PDE8B: variants seen among roughly 807,000 people sequenced by gnomAD.
The protein encoded by PDE8B is phosphodiesterase 8B.
PDE8B carries 26 observed loss-of-function variants against 101.3 expected under a neutral mutation model. The ratio of observed to expected loss-of-function variants is 0.26; its 90% CI spans 0.19 to 0.36. PDE8B has a LOEUF of 0.36. Ranked by LOEUF, PDE8B falls within the 10% of genes least tolerant of loss-of-function variation. PDE8B has a pLI of 1.00. For synonymous variants in PDE8B, 424 were observed against 429.3 expected, an observed-to-expected ratio of 0.99 and a Z score of 0.15; for missense variants, 810 against 1,163.1, an observed-to-expected ratio of 0.70 and a Z score of 4.42.
the PDE8B span, among the ~76,000 whole-genome samples, chr5:77,120,383 C>T: frequency 2.0e-5 from 3 of 152,164 alleles, no homozygotes; most frequent in Non-Finnish European, 4.4e-5. Flanking sequence ...GGTACACTTA[C>T]AAGTGTTCAT....
chr5:77,396,833 A>G (rs909071125), intron 10 of PDE8B, among the ~76,000 whole-genome samples: 3 of 151,994 alleles, frequency 2.0e-5, no homozygotes, highest in Non-Finnish European at 4.4e-5. Context: ...TTTTAATTAC[A>G]TATATTAACT....
intron 1 of PDE8B, among the ~76,000 whole-genome samples, chr5:77,235,993 G>A (rs946771966): frequency 1.3e-5 from 2 of 152,164 alleles, no homozygotes; most frequent in Admixed American, 1.3e-4. Context: ...ACACCACCAG[G>A]AAGTGGCAAA....
chr5:77,195,325 A>G, the PDE8B span, among the ~76,000 whole-genome samples: 1 of 152,360 alleles, frequency 6.6e-6, no homozygotes, highest in East Asian at 1.9e-4. Flanking sequence ...CCGCCAATAC[A>G]GTTGCATTAA....
At position 77,428,072 on chromosome 5, in the gene PDE8B, T is replaced by C. The variant is rs1188882428; in HGVS notation, c.*1518T>C. Reference sequence around the variant, plus strand: ...CAAAGAAATGTATCTAAATTATTTTTGTTAGATGATAAGAGAACTTGCTTG... The same window carrying C: ...CAAAGAAATGTATCTAAATTATTTTCGTTAGATGATAAGAGAACTTGCTTG... On this transcript the variant is annotated 3_prime_UTR_variant, in exon 22 of 22. Transcript: ENST00000264917. 2.0e-5 allele frequency: 3 copies of C among 152,214 alleles called. No individual in the cohort carries two copies. 9.4% of individuals were successfully genotyped at this position (152,214 alleles called of 1,614,324 possible). A position where few individuals can be genotyped will look rare whatever the true frequency, so the allele number is the denominator to read the frequency against.
intron 10 of PDE8B, among the ~76,000 whole-genome samples, chr5:77,360,583 G>C (rs541694103): frequency 1.3e-5 from 2 of 152,322 alleles, no homozygotes; most frequent in East Asian, 1.9e-4. Context: ...ATGCATGCCT[G>C]CTGGCACTTG....
intron 17 of PDE8B, among the ~76,000 whole-genome samples, chr5:77,415,267 T>G (rs1397537161): frequency 6.6e-6 from 1 of 151,746 alleles, no homozygotes; most frequent in East Asian, 1.9e-4. Flanking sequence ...CCAGATCTGC[T>G]GGCACTGACA....
chr5:77,113,897 A>T, the PDE8B span: 2 of 152,266 alleles, frequency 1.3e-5, no homozygotes, highest in African/African-American at 4.8e-5. Flanking sequence ...TATGCAGCCA[A>T]CAGACACATG....
the PDE8B span, among the ~76,000 whole-genome samples, chr5:77,110,437 T>A: frequency 6.6e-6 from 1 of 152,184 alleles, no homozygotes; most frequent in Non-Finnish European, 1.5e-5. Flanking sequence ...GGGTTTCTAA[T>A]GAGAAAGTCA....
At chr5:77,399,237 A>G (rs1791718119) in intron 10 of PDE8B, among the ~76,000 whole-genome samples, 1 of 152,240 alleles carries the variant, frequency 6.6e-6, no homozygotes. Flanking sequence ...CTTCTTACAC[A>G]AGGAACAGTA....
At chr5:77,136,900 G>C in the PDE8B span, among the ~76,000 whole-genome samples, 1 of 152,006 alleles carries the variant, frequency 6.6e-6, no homozygotes, top group Non-Finnish European at 1.5e-5. Context: ...TTGGGCTATG[G>C]GTGAGGACTA....
the PDE8B span, among the ~76,000 whole-genome samples, chr5:77,093,398 T>A: frequency 6.6e-6 from 1 of 152,248 alleles, no homozygotes; most frequent in Admixed American, 6.5e-5. Flanking sequence ...GTATTTTTTA[T>A]ACTTTTTTTT....
chr5:77,392,960 C>T (rs1421342828), intron 10 of PDE8B, among the ~76,000 whole-genome samples: 4 of 152,128 alleles, frequency 2.6e-5, no homozygotes, highest in African/African-American at 7.2e-5. Flanking sequence ...AAAGAGAATT[C>T]GTATGCCAGA....
intron 1 of PDE8B, among the ~76,000 whole-genome samples, chr5:77,270,703 G>A (rs980046843): frequency 1.3e-5 from 2 of 152,154 alleles, no homozygotes; most frequent in African/African-American, 2.4e-5. Flanking sequence ...TTAAACCTTG[G>A]CCCCACACTC....
At chr5:77,181,131 A>G in the PDE8B span, among the ~76,000 whole-genome samples, 1 of 131,540 alleles carries the variant, frequency 7.6e-6, no homozygotes, top group African/African-American at 2.9e-5. Flanking sequence ...ACTAAGTTCT[A>G]GGGACAACGC....
intron 20 of PDE8B, among the ~76,000 whole-genome samples, chr5:77,423,049 C>G (rs1417007553): frequency 6.6e-6 from 1 of 152,180 alleles, no homozygotes; most frequent in Non-Finnish European, 1.5e-5. Flanking sequence ...GTCTACTGTT[C>G]CAGTTTCTGC....
the PDE8B span, among the ~76,000 whole-genome samples, chr5:77,110,981 A>G: frequency 6.6e-6 from 1 of 152,350 alleles, no homozygotes; most frequent in Admixed American, 6.5e-5. Context: ...GTTATAATCA[A>G]TCTTGAATAG....
the PDE8B span, among the ~76,000 whole-genome samples, chr5:77,200,691 T>G: frequency 1.3e-5 from 2 of 152,194 alleles, no homozygotes; most frequent in African/African-American, 4.8e-5. Context: ...ACCTGGGAAT[T>G]ATGTAGAAGT....
the PDE8B span, among the ~76,000 whole-genome samples, chr5:77,176,755 G>T: frequency 1.3e-5 from 2 of 152,220 alleles, no homozygotes; most frequent in Non-Finnish European, 2.9e-5. Flanking sequence ...AATTTGGAGA[G>T]TTGTTAGTAG....
chr5:77,345,753 A>T (rs538580485), intron 7 of PDE8B, among the ~76,000 whole-genome samples: 7 of 152,330 alleles, frequency 4.6e-5, no homozygotes, highest in Admixed American at 3.9e-4. Context: ...ACTTTCCACG[A>T]ATTGGTGCTT....
Sources: gnomAD v4.1 joint callset for allele counts (sites outside exome capture counted in the v4.1 genomes callset) on GRCh38, gnomAD v4.1.1 for gene constraint, MANE v1.5 for transcripts, NCBI Gene and HGNC (gene_info 2026-07-23, HGNC 2026-07-21) for gene names.